MAP2K6: variants seen among roughly 807,000 people sequenced by gnomAD.
The protein encoded by MAP2K6 is dual specificity mitogen-activated protein kinase kinase 6.
A neutral mutation model predicts 53.7 loss-of-function variants in MAP2K6; 16 were observed. That is an observed-to-expected ratio of 0.30 (90% confidence interval 0.20 to 0.45). MAP2K6 has a LOEUF of 0.45. Ranked by LOEUF, MAP2K6 falls within the 20% of genes least tolerant of loss-of-function variation. The pLI, the probability that MAP2K6 is intolerant of heterozygous loss-of-function variation, is 1.00. For missense variants in MAP2K6, 204 were observed against 411.9 expected (o/e 0.50, Z 4.37); for synonymous variants, 132 against 143.1 (o/e 0.92, Z 0.55).
chr17:69,498,610 C>T lies in MAP2K6; in HGVS notation c.17-7170C>T, dbSNP rs964401998. Among the ~76,000 whole-genome samples, 10 of 150,998 alleles carry T rather than the reference C, an allele frequency of 6.6e-5. No individual in the cohort carries two copies. In the East Asian group the frequency reaches 1.8e-3, roughly 26 times the overall value. The stretch of plus-strand genomic sequence containing the variant: ...TTTAGCACTTAGAGACTCTGTATGG[C>T]ACCCAGCACGCCTGGAAGCCACACA... On this transcript the variant is annotated intron_variant, in intron 1 of 11. Coordinates refer to ENST00000590474, the MANE Select transcript of MAP2K6 (RefSeq NM_002758.4).
chr17:69,443,352 AGGCTGTGTAGTTCTTCCCATTT>A (rs1373682311), intron 1 of MAP2K6, among the ~76,000 whole-genome samples: 1 of 152,158 alleles, frequency 6.6e-6, no homozygotes. Flanking sequence ...GGCGCCATGG[AGGCTGTGTAGTTCTTCCCATTT>A]GGCCAGGTTA....
rs1435901584 is a variant in MAP2K6, at chr17:69,502,736, T to C, written c.17-3044T>C. ...CTGTGGGGGTGGCTGGGTGTAACAG[T>C]GATCTGGGGAGAGAATCAAAGGCCT... On this transcript the variant is annotated intron_variant, in intron 1 of 11. Coordinates refer to ENST00000590474, the MANE Select transcript of MAP2K6 (RefSeq NM_002758.4). The C allele has an allele frequency of 4.1e-6, 4 of 981,408 alleles. No homozygotes were observed. The East Asian group carries it at 3.4e-4, about 84-fold the overall frequency. 60.8% of individuals were successfully genotyped at this position (981,408 alleles called of 1,614,324 possible).
chr17:69,503,554 G>C (rs553062382), intron 1 of MAP2K6, among the ~76,000 whole-genome samples: 3 of 152,268 alleles, frequency 2.0e-5, no homozygotes, highest in South Asian at 4.2e-4. Flanking sequence ...GTCCTAAAAG[G>C]CTTTCTCTAG....
At chr17:69,524,525 G>A (rs779165522) in intron 8 of MAP2K6, among the ~76,000 whole-genome samples, 4 of 151,762 alleles carry the variant, frequency 2.6e-5, no homozygotes, top group African/African-American at 4.8e-5. Context: ...AGGTCTATTA[G>A]CATGGGACAG....
intron 4 of MAP2K6, among the ~76,000 whole-genome samples, chr17:69,518,744 C>A (rs1182743065): frequency 6.6e-6 from 1 of 152,144 alleles, no homozygotes; most frequent in Non-Finnish European, 1.5e-5. Context: ...TTGTATCTCT[C>A]CTATCATTTA....
chr17:69,517,744 G>C (rs550263282), intron 4 of MAP2K6, 131 bp downstream of exon 4: 31 of 487,696 alleles, frequency 6.4e-5, no homozygotes, highest in Non-Finnish European at 9.9e-5. Flanking sequence ...TTATTTGCAG[G>C]GAACAGTATT....
rs555890123 is a variant in MAP2K6, at chr17:69,542,304, G to T, written c.*551G>T. The T allele has an allele frequency of 1.3e-5, 2 of 152,654 alleles. No individual in the cohort carries two copies. The highest frequency in any genetic ancestry group is 4.1e-4 in the South Asian group (2 of 4,824). The allele number at this position is 152,654 out of a possible 1,614,324, so 9.5% of individuals were successfully genotyped here. ...GAAATTATTTAATATGCATCTTTGA[G>T]AATATTATAAAAATATCAAAAAGGA... On this transcript the variant is annotated 3_prime_UTR_variant, in exon 12 of 12. Transcript: ENST00000590474.
At chr17:69,423,547 C>T (rs1295454174) in intron 1 of MAP2K6, among the ~76,000 whole-genome samples, 2 of 152,222 alleles carry the variant, frequency 1.3e-5, no homozygotes, top group African/African-American at 2.4e-5. Flanking sequence ...AAACATTCCT[C>T]TCTGGCTTTA....
chr17:69,417,027 A>G (rs1471684761), intron 1 of MAP2K6, among the ~76,000 whole-genome samples: 1 of 152,194 alleles, frequency 6.6e-6, no homozygotes, highest in Non-Finnish European at 1.5e-5. Flanking sequence ...TGGTCCTTCA[A>G]ATCAATTCCC....
chr17:69,497,782 G>A (rs899737024), intron 1 of MAP2K6, among the ~76,000 whole-genome samples: 1 of 151,866 alleles, frequency 6.6e-6, no homozygotes, highest in African/African-American at 2.4e-5. Flanking sequence ...TCCCCTTATT[G>A]TCTCTCCAAG....
At chr17:69,523,679 C>T (rs1028276790) in intron 8 of MAP2K6, 38 bp downstream of exon 8, 1 of 1,605,038 alleles carries the variant, frequency 6.2e-7, no homozygotes, top group Non-Finnish European at 8.5e-7. Flanking sequence ...GGTAATGTCA[C>T]TGCCGACAAA....
chr17:69,445,645 A>AT (rs531908325), intron 1 of MAP2K6, among the ~76,000 whole-genome samples: 17 of 149,938 alleles, frequency 1.1e-4, no homozygotes, highest in East Asian at 5.9e-4. Context: ...GAATCTCTCC[A>AT]TTTTTTTTTT....
At chr17:69,459,328 T>G (rs1370264531) in intron 1 of MAP2K6, among the ~76,000 whole-genome samples, 1 of 152,136 alleles carries the variant, frequency 6.6e-6, no homozygotes, top group Non-Finnish European at 1.5e-5. Flanking sequence ...ATATTCAGAG[T>G]AACTAAATAA....
intron 10 of MAP2K6, among the ~76,000 whole-genome samples, chr17:69,535,340 C>G (rs2144859295): frequency 6.6e-6 from 1 of 152,212 alleles, no homozygotes; most frequent in Admixed American, 6.5e-5. Flanking sequence ...CACCTGTACT[C>G]CCAGCTCTTT....
chr17:69,479,219 T>TA lies in MAP2K6; in HGVS notation c.17-26552dup, dbSNP rs200509027. Among the ~76,000 whole-genome samples, 1,132 of 151,786 alleles carry TA rather than the reference T, an allele frequency of 7.5e-3. 20 individuals are homozygous for TA. The highest frequency in any genetic ancestry group is 6.8e-3 in the Non-Finnish European group (462 of 67,906). ...ACAATAGCTGTAGCTATTTATTTTA[T>TA]AAAAAAAAATTCTTAGCCCTAGTTC... On this transcript the variant is annotated intron_variant, in intron 1 of 11. Transcript: ENST00000590474.
At chr17:69,460,283 G>C (rs1420987609) in intron 1 of MAP2K6, among the ~76,000 whole-genome samples, 1 of 152,174 alleles carries the variant, frequency 6.6e-6, no homozygotes, top group Non-Finnish European at 1.5e-5. Flanking sequence ...TGGAGAAAGG[G>C]TGGAAACTCA....
At chr17:69,459,545 C>T (rs985182181) in intron 1 of MAP2K6, among the ~76,000 whole-genome samples, 3 of 151,682 alleles carry the variant, frequency 2.0e-5, no homozygotes. Context: ...AACCCTGTCT[C>T]AACTAAAGAT....
intron 1 of MAP2K6, among the ~76,000 whole-genome samples, chr17:69,459,137 G>A (rs985202370): frequency 6.6e-6 from 1 of 152,104 alleles, no homozygotes; most frequent in African/African-American, 2.4e-5. Flanking sequence ...ACTTAAAAAC[G>A]TGTTTTACAA....
At chr17:69,540,782 T>C (rs1187894185) in intron 11 of MAP2K6, among the ~76,000 whole-genome samples, 1 of 152,234 alleles carries the variant, frequency 6.6e-6, no homozygotes, top group Non-Finnish European at 1.5e-5. Context: ...GCAGTCTACA[T>C]TATTTTTCAG....
Sources: allele counts gnomAD v4.1 joint callset (sites outside exome capture counted in the v4.1 genomes callset), GRCh38; gene constraint gnomAD v4.1.1; transcripts MANE v1.5; gene names NCBI Gene and HGNC (gene_info 2026-07-23, HGNC 2026-07-21).